Variants in SKAP1 observed in about 807,000 individuals in gnomAD.
SKAP1 encodes the protein src kinase-associated phosphoprotein 1.
In SKAP1, 44 loss-of-function variants were observed where a neutral mutation model predicts 58.5. That is an observed-to-expected ratio of 0.75 (90% CI 0.59 to 0.97). SKAP1 has a LOEUF of 0.97. SKAP1 is among the 50% of genes least tolerant of loss of function. SKAP1 has a pLI of 0.00. For missense variants in SKAP1, 390 were observed against 435.2 expected (o/e 0.90, Z 0.92); for synonymous variants, 127 against 149.7 (o/e 0.85, Z 1.11).
At chr17:48,333,195 TG>T (rs1407321109) in intron 4 of SKAP1, among the ~76,000 whole-genome samples, 6 of 152,178 alleles carry the variant, frequency 3.9e-5, no homozygotes, top group African/African-American at 1.4e-4. Flanking sequence ...CTTACTCAAC[TG>T]GCAGAATTAA....
intron 4 of SKAP1, among the ~76,000 whole-genome samples, chr17:48,264,514 T>G (rs2065520295): frequency 6.6e-6 from 1 of 152,110 alleles, no homozygotes; most frequent in Non-Finnish European, 1.5e-5. Context: ...ATAAAACAAA[T>G]CAGGAGCTAA....
intron 4 of SKAP1, among the ~76,000 whole-genome samples, chr17:48,302,921 A>G (rs1369662233): frequency 6.6e-6 from 1 of 152,238 alleles, no homozygotes; most frequent in Admixed American, 6.5e-5. Flanking sequence ...AAGTCAAATC[A>G]CAGTGAATAA....
intron 4 of SKAP1, among the ~76,000 whole-genome samples, chr17:48,310,283 A>G (rs1435529126): frequency 1.3e-5 from 2 of 152,196 alleles, no homozygotes; most frequent in Non-Finnish European, 2.9e-5. Flanking sequence ...CCCAAGAGAA[A>G]TTTACTTTCA....
intron 11 of SKAP1, among the ~76,000 whole-genome samples, chr17:48,148,833 A>G (rs1440224888): frequency 1.3e-5 from 2 of 152,124 alleles, no homozygotes; most frequent in Non-Finnish European, 2.9e-5. Flanking sequence ...AAAAGAAGAA[A>G]AGTTATTCTA....
intron 3 of SKAP1, among the ~76,000 whole-genome samples, chr17:48,354,009 T>C (rs574047616): frequency 6.6e-6 from 1 of 150,926 alleles, no homozygotes; most frequent in East Asian, 1.9e-4. Context: ...AGGCTACAGG[T>C]AGATATAAGA....
At chr17:48,377,773 G>A (rs1207970113) in intron 2 of SKAP1, among the ~76,000 whole-genome samples, 1 of 152,100 alleles carries the variant, frequency 6.6e-6, no homozygotes, top group East Asian at 1.9e-4. Context: ...GAGGACTAGA[G>A]GGATAGGTAA....
At chr17:48,191,574 C>T (rs1403514662) in intron 4 of SKAP1, among the ~76,000 whole-genome samples, 1 of 152,194 alleles carries the variant, frequency 6.6e-6, no homozygotes, top group Non-Finnish European at 1.5e-5. Flanking sequence ...TTGCTCAGTG[C>T]TTTTCCTACT....
intron 4 of SKAP1, among the ~76,000 whole-genome samples, chr17:48,337,114 A>T (rs2066582860): frequency 6.6e-6 from 1 of 152,214 alleles, no homozygotes. Flanking sequence ...TTTACAAGCC[A>T]GAGAATCCAT....
At chr17:48,228,496 T>C (rs895482042) in intron 4 of SKAP1, among the ~76,000 whole-genome samples, 1 of 152,210 alleles carries the variant, frequency 6.6e-6, no homozygotes, top group African/African-American at 2.4e-5. Flanking sequence ...TCTCAAATCA[T>C]ACCCAATAGA....
At chr17:48,432,975 T>G (rs190789574), upstream of SKAP1, among the ~76,000 whole-genome samples, 71 of 152,068 alleles carry the variant, frequency 4.7e-4, 1 homozygote, top group Admixed American at 1.3e-3. Flanking sequence ...GAGACAGGGG[T>G]AGAGGGAGGT....
At chr17:48,349,474 T>C (rs1184303207) in intron 3 of SKAP1, among the ~76,000 whole-genome samples, 1 of 152,210 alleles carries the variant, frequency 6.6e-6, no homozygotes, top group Non-Finnish European at 1.5e-5. Flanking sequence ...TCTATACAGA[T>C]ATATATTCTA....
intron 4 of SKAP1, among the ~76,000 whole-genome samples, chr17:48,200,189 C>T (rs562495125): frequency 5.9e-4 from 89 of 151,656 alleles, no homozygotes; most frequent in Non-Finnish European, 5.9e-5. Flanking sequence ...CCCAGCTACT[C>T]GGCAGGCTGA....
intron 4 of SKAP1, among the ~76,000 whole-genome samples, chr17:48,262,165 T>G (rs8080031): frequency 0.028 from 4,234 of 152,246 alleles, 223 homozygotes; most frequent in African/African-American, 0.097. Context: ...ATTGGAGGGT[T>G]GGAGAGAATC....
chr17:48,365,787 T>C (rs1308390682), intron 2 of SKAP1, among the ~76,000 whole-genome samples: 1 of 151,668 alleles, frequency 6.6e-6, no homozygotes, highest in Non-Finnish European at 1.5e-5. Context: ...AGCTTTTTTT[T>C]TTTTTTTTTA....
intron 4 of SKAP1, among the ~76,000 whole-genome samples, chr17:48,216,450 T>A (rs1408749484): frequency 1.3e-5 from 2 of 152,108 alleles, no homozygotes; most frequent in Non-Finnish European, 2.9e-5. Context: ...AAGAACTAAG[T>A]ACCCTATGTC....
intron 4 of SKAP1, among the ~76,000 whole-genome samples, chr17:48,219,851 T>C (rs539101252): frequency 3.3e-5 from 5 of 152,176 alleles, no homozygotes; most frequent in Non-Finnish European, 7.3e-5. Flanking sequence ...TTCAAAGTCA[T>C]GCAAATGAGG....
chr17:48,300,987 A>T (rs2066049352), intron 4 of SKAP1, among the ~76,000 whole-genome samples: 1 of 151,970 alleles, frequency 6.6e-6, no homozygotes, highest in South Asian at 2.1e-4. Flanking sequence ...TGACTGACCC[A>T]TTTCTACCTT....
intron 1 of SKAP1, among the ~76,000 whole-genome samples, chr17:48,425,233 G>A (rs1234316228): frequency 1.3e-5 from 2 of 152,062 alleles, no homozygotes; most frequent in South Asian, 2.1e-4. Context: ...ACTCCAGCCT[G>A]GGCAACAGAG....
intron 7 of SKAP1, among the ~76,000 whole-genome samples, chr17:48,182,924 G>T (rs1435021225): frequency 6.6e-6 from 1 of 152,170 alleles, no homozygotes; most frequent in Non-Finnish European, 1.5e-5. Flanking sequence ...AAGAAGAGTT[G>T]GTGGAAACTG....
Sources: allele counts gnomAD v4.1 joint callset (sites outside exome capture counted in the v4.1 genomes callset), GRCh38; gene constraint gnomAD v4.1.1; transcripts MANE v1.5; gene names NCBI Gene and HGNC (gene_info 2026-07-23, HGNC 2026-07-21).